The following TTK variants were observed in gnomAD, a reference collection of about 807,000 sequenced individuals.
TTK encodes the protein TTK protein kinase.
Under a neutral mutation model 117.3 loss-of-function variants are expected in TTK, and 59 were observed. The ratio of observed to expected loss-of-function variants is 0.50; its 90% CI spans 0.41 to 0.62. The LOEUF (loss-of-function observed/expected upper bound fraction) is 0.62. TTK is among the 20% of genes least tolerant of loss of function. The pLI, the probability that TTK is intolerant of heterozygous loss-of-function variation, is 0.00. For missense variants in TTK, 921 were observed against 989.4 expected, an observed-to-expected ratio of 0.93 and a Z score of 0.93; for synonymous variants, 302 against 325.0, an observed-to-expected ratio of 0.93 and a Z score of 0.76.
intron 11 of TTK, among the ~76,000 whole-genome samples, chr6:80,023,698 G>A (rs1471979974): frequency 3.3e-5 from 5 of 152,208 alleles, no homozygotes; most frequent in Admixed American, 2.6e-4. Context: ...AGTGGGAAGA[G>A]TAGCACTGTG....
At chr6:80,034,564 G>A (rs1767844645) in intron 14 of TTK, among the ~76,000 whole-genome samples, 3 of 152,106 alleles carry the variant, frequency 2.0e-5, no homozygotes, top group Admixed American at 1.3e-4. Flanking sequence ...CTGGGCTCAA[G>A]CAATTGTCCC....
rs536127122 is a variant in TTK at position 80,023,579 on chromosome 6, C to T, written c.1257+1107C>T. Among the ~76,000 whole-genome samples the T allele has an allele frequency of 1.3e-3, 205 of 151,892 alleles. 1 individual carries two copies. The highest frequency in any genetic ancestry group is 4.8e-3 in the African/African-American group (197 of 41,414). On this transcript the variant is annotated intron_variant, in intron 11 of 21. Transcript: ENST00000369798. ...CTGCACTCCGGCCTGGGTGACAGAGCGAGACTCTGTCTCAAAAAAAATAAA... is the reference window on the plus strand; with the variant it reads ...CTGCACTCCGGCCTGGGTGACAGAGTGAGACTCTGTCTCAAAAAAAATAAA...
chr6:80,014,983 A>G (rs533594083), intron 10 of TTK, among the ~76,000 whole-genome samples: 2 of 152,284 alleles, frequency 1.3e-5, no homozygotes, highest in East Asian at 1.9e-4. Flanking sequence ...CAGTGTCCCA[A>G]GGAGGTTGCA....
chr6:80,013,462 G>A (rs1272566451), intron 9 of TTK, 96 bp downstream of exon 9: 5 of 1,004,908 alleles, frequency 5.0e-6, no homozygotes, highest in Non-Finnish European at 7.4e-6. Context: ...TTTATAAATA[G>A]TTCATGTATC....
At position 80,026,480 on chromosome 6, in the gene TTK, C is replaced by A; in HGVS notation, c.1360C>A (p.Pro454Thr). 1 of 1,613,846 alleles carries A rather than the reference C, an allele frequency of 6.2e-7. No individual in the cohort carries two copies. Among genetic ancestry groups the A allele is most frequent in the East Asian group, 2.2e-5 (1 of 44,822 alleles). ...WFDPKSICKT[P>T]SSNTLDDYMS... Reference sequence around the variant, plus strand: ...TGACCCAAAATCTATTTGTAAGACACCAAGCAGCAATACCTTGGATGATTA... The same window carrying A: ...TGACCCAAAATCTATTTGTAAGACAACAAGCAGCAATACCTTGGATGATTA... Residue 454 changes from proline (P) to threonine (T), a missense_variant, in exon 12 of 22, where the codon CCA becomes ACA. Coordinates refer to ENST00000369798, the MANE Select transcript of TTK (RefSeq NM_003318.5).
At chr6:80,037,541 A>G (rs1440726711) in intron 17 of TTK, 1 of 152,814 alleles carries the variant, frequency 6.5e-6, no homozygotes, top group African/African-American at 2.4e-5. Flanking sequence ...TTTAAAGTTG[A>G]GTATGTTACA....
chr6:80,029,063 G>C (rs1767687101), intron 13 of TTK, among the ~76,000 whole-genome samples: 2 of 152,204 alleles, frequency 1.3e-5, no homozygotes, highest in African/African-American at 4.8e-5. Context: ...AATGTTAGTA[G>C]CAATTGTTAT....
intron 2 of TTK, among the ~76,000 whole-genome samples, chr6:80,006,774 G>A (rs1197767799): frequency 2.6e-5 from 4 of 151,978 alleles, no homozygotes; most frequent in Non-Finnish European, 4.4e-5. Context: ...TAATTTCTTA[G>A]GAAAGCAATA....
intron 13 of TTK, among the ~76,000 whole-genome samples, chr6:80,030,454 T>C (rs1767726812): frequency 6.6e-6 from 1 of 152,128 alleles, no homozygotes; most frequent in Non-Finnish European, 1.5e-5. Context: ...GTTCTTACAC[T>C]GCTATAAAGA....
intron 1 of TTK, 170 bp downstream of exon 1, chr6:80,004,883 C>T (rs990241449): frequency 6.6e-6 from 1 of 152,082 alleles, no homozygotes; most frequent in Non-Finnish European, 1.5e-5. Context: ...CTCACTGCCT[C>T]AGCGGGTCTG....
At chr6:80,024,218 A>G (rs954494558) in intron 11 of TTK, among the ~76,000 whole-genome samples, 2 of 152,218 alleles carry the variant, frequency 1.3e-5, no homozygotes, top group African/African-American at 4.8e-5. Flanking sequence ...CAAAAGGTTA[A>G]ACGTAGCTTT....
Position 80,013,297 on chromosome 6 carries a change from A to G in TTK, c.915A>G (p.Glu305=), listed in dbSNP as rs775557174. The stretch of plus-strand genomic sequence containing the variant: ...GTAAAAGACAAACCTCTAGATCAGA[A>G]TGCCGAGATTTGGTTGTGCCTGGAT... ...CFMKRQTSRS[E]CRDLVVPGSK... is the part of the protein sequence containing the mutation. Residue 305 remains glutamate (E), a synonymous_variant, in exon 9 of 22, where the codon GAA becomes GAG. Coordinates refer to ENST00000369798, the MANE Select transcript of TTK (RefSeq NM_003318.5). 7.5e-6 allele frequency: 12 copies of G among 1,600,418 alleles called. No individual in the cohort carries two copies. The highest frequency in any genetic ancestry group is 1.0e-5 in the Non-Finnish European group (12 of 1,175,834).
chr6:80,015,636 A>G (rs547071471), intron 10 of TTK, among the ~76,000 whole-genome samples: 22 of 152,296 alleles, frequency 1.4e-4, no homozygotes, highest in Middle Eastern at 6.8e-3. Flanking sequence ...GAAAGTGTTT[A>G]CATTTCATAT....
rs189100766 is a variant in TTK, at chr6:80,027,750, A to G, written c.1395-135A>G. 91 of 540,968 alleles carry G rather than the reference A, an allele frequency of 1.7e-4. 1 individual carries two copies. In the East Asian group the frequency reaches 2.9e-3, roughly 17 times the overall value. The allele number at this position is 540,968 out of a possible 1,614,324, so 33.5% of individuals were successfully genotyped here. A position where few individuals can be genotyped will look rare whatever the true frequency, so the allele number is the denominator to read the frequency against. ...GGCATATCTGGAATAAGTGTCAGCTATATCATGAAAACTAACTTGGGTTCT... is the reference window on the plus strand; with the variant it reads ...GGCATATCTGGAATAAGTGTCAGCTGTATCATGAAAACTAACTTGGGTTCT... On this transcript the variant is annotated intron_variant, in intron 12 of 21. Coordinates refer to ENST00000369798, the MANE Select transcript of TTK (RefSeq NM_003318.5).
chr6:80,040,859 A>G (rs1163278920), intron 21 of TTK, among the ~76,000 whole-genome samples, 156 bp downstream of exon 21: 1 of 151,880 alleles, frequency 6.6e-6, no homozygotes, highest in Non-Finnish European at 1.5e-5. Context: ...CATTTTGACA[A>G]ATATCGATTT....
rs1418913988 is a variant in TTK, at chr6:80,027,035, A to G, written c.1394+521A>G. Among the ~76,000 whole-genome samples, 5 of 152,284 alleles carry G rather than the reference A, an allele frequency of 3.3e-5. No homozygotes were observed. In the East Asian group the frequency reaches 9.6e-4, roughly 29 times the overall value. On this transcript the variant is annotated intron_variant, in intron 12 of 21. Coordinates refer to ENST00000369798, the MANE Select transcript of TTK (RefSeq NM_003318.5). ...GAAGTTCGATGATGAGTGTGCTGAT[A>G]GGGAACACAAGGGATACTACAAAAG...
Position 80,008,371 on chromosome 6 carries a change from A to T in TTK, c.363-15A>T, listed in dbSNP as rs774771060. 4 of 1,596,452 alleles carry T rather than the reference A, an allele frequency of 2.5e-6. No individual in the cohort carries two copies. In the African/African-American group the frequency reaches 4.1e-5, roughly 16 times the overall value. ...GTTCTTTTTCTTAAATTTTGACTCA[A>T]ATCTTTTATTACAGTATTCAAGAGC... is the stretch of plus-strand genomic sequence containing the variant. On this transcript the variant is annotated splice_polypyrimidine_tract_variant and intron_variant, in intron 3 of 21. Coordinates refer to ENST00000369798, the MANE Select transcript of TTK (RefSeq NM_003318.5).
chr6:80,007,872 T>G lies in TTK; in HGVS notation c.203T>G (p.Leu68Trp). The G allele has an allele frequency of 6.2e-7, 1 of 1,613,460 alleles. No individual in the cohort carries two copies. The highest frequency in any genetic ancestry group is 8.5e-7 in the Non-Finnish European group (1 of 1,179,574). ...MANNPEDWLS[L>W]LLKLEKNSVP... is the part of the protein sequence containing the mutation. The stretch of plus-strand genomic sequence containing the variant: ...AACAACCCAGAGGACTGGTTGAGTT[T>G]GTTGCTCAAACTAGAGAAAAACAGT... Residue 68 changes from leucine (L) to tryptophan (W), a missense_variant, in exon 3 of 22, where the codon TTG (leucine) becomes TGG (tryptophan). Coordinates refer to ENST00000369798, the MANE Select transcript of TTK (RefSeq NM_003318.5).
intron 8 of TTK, among the ~76,000 whole-genome samples, chr6:80,012,469 AGT>A (rs1767186952): frequency 6.6e-6 from 1 of 151,998 alleles, no homozygotes; most frequent in African/African-American, 2.4e-5. Context: ...CATCACATCC[AGT>A]GTGTTCTCCT....
Sources: gnomAD v4.1 joint callset for allele counts (sites outside exome capture counted in the v4.1 genomes callset) on GRCh38, gnomAD v4.1.1 for gene constraint, MANE v1.5 for transcripts, NCBI Gene and HGNC (gene_info 2026-07-23, HGNC 2026-07-21) for gene names.